The following PHACTR1 variants were observed in gnomAD, a reference collection of about 807,000 sequenced individuals.
PHACTR1 encodes RPEL repeat containing 1.
PHACTR1 carries 16 observed loss-of-function variants against 69.2 expected under a neutral mutation model. The ratio of observed to expected loss-of-function variants is 0.23; its 90% CI spans 0.16 to 0.35. The LOEUF is 0.35. Ranked by LOEUF, PHACTR1 falls within the 10% of genes least tolerant of loss-of-function variation. The pLI is 1.00. For synonymous variants in PHACTR1, 312 were observed against 284.5 expected, an observed-to-expected ratio of 1.10 and a Z score of -0.97; for missense variants, 510 against 734.7, an observed-to-expected ratio of 0.69 and a Z score of 3.54.
chr6:12,912,483 C>T (rs1009481868), intron 4 of PHACTR1, among the ~76,000 whole-genome samples: 2 of 152,178 alleles, frequency 1.3e-5, no homozygotes, highest in African/African-American at 4.8e-5. Flanking sequence ...AATTTTAGTG[C>T]ATACCTCTAA....
At position 13,207,866 on chromosome 6, in the gene PHACTR1, G is replaced by A. The variant is rs138203630; in HGVS notation, c.986+1730G>A. 3.9e-3 allele frequency among the ~76,000 whole-genome samples: 593 copies of A among 152,100 alleles called. 4 individuals are homozygous for A. The highest frequency in any genetic ancestry group is 0.013 in the African/African-American group (556 of 41,490). On this transcript the variant is annotated intron_variant, in intron 8 of 14. Transcript: ENST00000332995. ...AGAGCTAAAAGCGAGATGCACAGGC[G>A]GGAGCTTCGGGTTGTGTTTTCCTGA...
chr6:12,930,909 G>A (rs943891348), intron 4 of PHACTR1, among the ~76,000 whole-genome samples: 16 of 151,404 alleles, frequency 1.1e-4, no homozygotes, highest in Non-Finnish European at 2.1e-4. Context: ...AAATTAGCTG[G>A]GCATGGTGGC....
At chr6:12,910,239 C>T (rs1786234527) in intron 4 of PHACTR1, among the ~76,000 whole-genome samples, 1 of 152,172 alleles carries the variant, frequency 6.6e-6, no homozygotes, top group African/African-American at 2.4e-5. Context: ...ATATCAGGCC[C>T]TTTAGTGTAT....
At chr6:12,717,792 G>A (rs906270638) in intron 2 of PHACTR1, 49 bp downstream of exon 2, 3 of 152,024 alleles carry the variant, frequency 2.0e-5, no homozygotes, top group African/African-American at 7.2e-5. Context: ...TAAAAGTTTT[G>A]TCTTACCGGA....
intron 4 of PHACTR1, among the ~76,000 whole-genome samples, chr6:12,758,338 A>T (rs1230372993): frequency 6.6e-6 from 1 of 151,824 alleles, no homozygotes; most frequent in East Asian, 1.9e-4. Flanking sequence ...GCTACTCGGG[A>T]GGCTGAGGCA....
At chr6:12,741,442 T>G (rs1376270719) in intron 3 of PHACTR1, among the ~76,000 whole-genome samples, 1 of 152,100 alleles carries the variant, frequency 6.6e-6, no homozygotes, top group East Asian at 1.9e-4. Context: ...AATTTAATAT[T>G]GTGTGAGGCA....
chr6:13,002,124 C>T (rs1271234889), intron 4 of PHACTR1, among the ~76,000 whole-genome samples: 1 of 152,136 alleles, frequency 6.6e-6, no homozygotes, highest in Non-Finnish European at 1.5e-5. Context: ...CTGTCTTTTC[C>T]CTCTTTTATA....
At chr6:13,176,207 AG>A (rs1761297652) in intron 6 of PHACTR1, among the ~76,000 whole-genome samples, 1 of 152,204 alleles carries the variant, frequency 6.6e-6, no homozygotes, top group African/African-American at 2.4e-5. Context: ...AGCATCTTGC[AG>A]GGGAAAAAAA....
chr6:13,157,138 C>T (rs1758298918), intron 5 of PHACTR1, among the ~76,000 whole-genome samples: 1 of 152,222 alleles, frequency 6.6e-6, no homozygotes, highest in Admixed American at 6.5e-5. Context: ...GCTGCAGCCA[C>T]ACCAGCTTTC....
In PHACTR1 at chr6:13,227,926, C is replaced by A; in HGVS notation, c.1097C>A (p.Pro366Gln). 6.2e-7 allele frequency: 1 copy of A among 1,613,970 alleles called. No individual in the cohort carries two copies. ...PMGLPEIRQVPTVVIECDDNK... is the reference protein window; with the variant it reads ...PMGLPEIRQVQTVVIECDDNK... ...GGCCTTCCAGAAATAAGACAAGTGC[C>A]AACTGTTGTGATTGAATGTGATGAC... The change falls in exon 9 of 15, where the codon CCA becomes CAA. Residue 366 changes from proline (P) to glutamine (Q), a missense_variant. Physicochemically the swap from Pro to Gln is moderately conservative, Grantham distance 76. Coordinates refer to ENST00000332995, the MANE Select transcript of PHACTR1 (RefSeq NM_030948.6).
intron 11 of PHACTR1, 31 bp downstream of exon 11, chr6:13,272,946 T>G: frequency 6.2e-7 from 1 of 1,611,460 alleles, no homozygotes; most frequent in Non-Finnish European, 8.5e-7. Flanking sequence ...CAATCCCTGA[T>G]GTTTTGTGGC....
At chr6:13,086,409 T>C (rs539989086) in intron 5 of PHACTR1, among the ~76,000 whole-genome samples, 3 of 152,126 alleles carry the variant, frequency 2.0e-5, no homozygotes, top group Non-Finnish European at 4.4e-5. Flanking sequence ...TTGGCAGATA[T>C]ATACAGACAT....
At chr6:13,025,706 T>TGTGTGTGTGTGC in intron 4 of PHACTR1, among the ~76,000 whole-genome samples, 1 of 151,944 alleles carries the variant, frequency 6.6e-6, no homozygotes, top group African/African-American at 2.4e-5. Flanking sequence ...TGTGTGTGTG[T>TGTGTGTGTGTGC]GTGTCTGTGT....
At chr6:12,901,167 C>T (rs1258225214) in intron 4 of PHACTR1, among the ~76,000 whole-genome samples, 1 of 152,128 alleles carries the variant, frequency 6.6e-6, no homozygotes, top group Non-Finnish European at 1.5e-5. Context: ...CTGATGGAGG[C>T]CCTGTTGGGC....
At chr6:12,906,709 C>T (rs183443880) in intron 4 of PHACTR1, among the ~76,000 whole-genome samples, 1 of 152,286 alleles carries the variant, frequency 6.6e-6, no homozygotes, top group Admixed American at 6.5e-5. Context: ...CTAGCAGGAT[C>T]TTTCTACACA....
intron 4 of PHACTR1, among the ~76,000 whole-genome samples, chr6:13,011,624 CT>C (rs1799460045): frequency 6.6e-6 from 1 of 152,170 alleles, no homozygotes. Flanking sequence ...TAAAAGATTG[CT>C]TCAGTCTTAG....
At chr6:13,030,605 A>G (rs1217261950) in intron 4 of PHACTR1, among the ~76,000 whole-genome samples, 1 of 152,220 alleles carries the variant, frequency 6.6e-6, no homozygotes, top group East Asian at 1.9e-4. Context: ...ATAAACTAGG[A>G]ATGTTAAAGC....
chr6:12,824,528 G>C (rs1426822462), intron 4 of PHACTR1, among the ~76,000 whole-genome samples: 1 of 152,018 alleles, frequency 6.6e-6, no homozygotes, highest in African/African-American at 2.4e-5. Context: ...TACTATTAAA[G>C]AGAAAAGAAA....
intron 6 of PHACTR1, among the ~76,000 whole-genome samples, chr6:13,162,674 A>G (rs1194446273): frequency 6.6e-6 from 1 of 152,188 alleles, no homozygotes; most frequent in Non-Finnish European, 1.5e-5. Context: ...TTTCCGTTAC[A>G]TCTAATAACT....
Sources: allele counts gnomAD v4.1 joint callset (sites outside exome capture counted in the v4.1 genomes callset), GRCh38; gene constraint gnomAD v4.1.1; transcripts MANE v1.5; gene names NCBI Gene and HGNC (gene_info 2026-07-23, HGNC 2026-07-21).